DHX58: variants seen among roughly 807,000 people sequenced by gnomAD.
The protein encoded by DHX58 is ATP-dependent RNA helicase DHX58.
Under a neutral mutation model 65.0 loss-of-function variants are expected in DHX58, and 51 were observed. The observed-to-expected ratio is 0.78, with a 90% CI of 0.63 to 0.99. The LOEUF (loss-of-function observed/expected upper bound fraction) is 0.99, where lower values mean the gene tolerates loss of function less well. Among genes scored for constraint, DHX58 ranks in the 50% least tolerant of loss-of-function variants. The pLI is 0.00. For synonymous variants in DHX58, 350 were observed against 365.0 expected (o/e 0.96, Z 0.47); for missense variants, 773 against 891.8 (o/e 0.87, Z 1.70).
At chr17:42,107,909 C>T in intron 7 of DHX58, 73 bp downstream of exon 7, 1 of 1,600,972 alleles carries the variant, frequency 6.2e-7, no homozygotes, top group Middle Eastern at 1.7e-4. Context: ...GCCCCAAAGG[C>T]CTCCGCCCCG....
In DHX58 at chr17:42,101,791, G is replaced by A. The variant is rs145954849; in HGVS notation, c.2007C>T (p.Ala669=). The A allele has an allele frequency of 1.4e-4, 223 of 1,614,196 alleles. 3 individuals are homozygous for A. The highest frequency in any genetic ancestry group is 1.1e-3 in the South Asian group (103 of 91,070). The change falls in exon 14 of 14, where the codon GCC becomes GCT. Residue 669 remains alanine (A), a synonymous_variant. Transcript: ENST00000251642. ...VPDFDFLQHC[A]ENLSDLSLD ...CCAGGGAGAGGTCCGACAAGTTCTC[G>A]GCACAATGCTGCAGGAAGTCAAAGT... is the stretch of plus-strand genomic sequence containing the variant.
intron 9 of DHX58, 32 bp downstream of exon 9, chr17:42,105,704 C>T: frequency 1.3e-6 from 2 of 1,527,688 alleles, no homozygotes; most frequent in Non-Finnish European, 1.8e-6. Flanking sequence ...GGAATCCCTC[C>T]CAGCGCCAGC....
intron 6 of DHX58, 70 bp downstream of exon 6, chr17:42,109,200 C>T: frequency 7.3e-7 from 1 of 1,361,512 alleles, no homozygotes; most frequent in Non-Finnish European, 1.0e-6. Flanking sequence ...AGGGCAGAGT[C>T]AGGGCCCAAG....
intron 8 of DHX58, among the ~76,000 whole-genome samples, chr17:42,106,302 AAGGG>A (rs1361863013): frequency 8.0e-6 from 1 of 124,276 alleles, no homozygotes; most frequent in Non-Finnish European, 1.6e-5. Context: ...GGAGGGAAGG[AAGGG>A]AGGGAGGGAG....
chr17:42,108,560 GAA>G, intron 6 of DHX58, among the ~76,000 whole-genome samples: 1 of 151,990 alleles, frequency 6.6e-6, no homozygotes, highest in Non-Finnish European at 1.5e-5. Context: ...CCCAGAGAGA[GAA>G]TAATGCTACT....
chr17:42,110,756 G>A lies in DHX58; in HGVS notation c.528C>T (p.Ser176=). 3.1e-6 allele frequency: 5 copies of A among 1,611,506 alleles called. No individual in the cohort carries two copies. The highest frequency in any genetic ancestry group is 3.4e-6 in the Non-Finnish European group (4 of 1,178,732). The change falls in exon 5 of 14, where the codon TCC becomes TCT. Residue 176 remains serine, a synonymous_variant. Transcript: ENST00000251642. The part of the protein sequence containing the change: ...LTASPGTGGA[S]KLDGAINHVL... The stretch of plus-strand genomic sequence containing the variant: ...CGTGGTTGATGGCCCCATCGAGTTT[G>A]GAGGCCCCGCCAGTGCCTGGGGAGG...
In DHX58 at chr17:42,112,463, C is replaced by A; in HGVS notation, c.-95+142G>T. The A allele has an allele frequency of 5.8e-6, 1 of 173,818 alleles. No individual in the cohort carries two copies. 10.8% of individuals were successfully genotyped at this position (173,818 alleles called of 1,614,324 possible). ...CACTCATCCCAACTCCTGGCCAGAG[C>A]AGTCGGTACAGAGACCTCCCTTTGC... On this transcript the variant is annotated intron_variant, in intron 1 of 13. Coordinates refer to ENST00000251642, the MANE Select transcript of DHX58 (RefSeq NM_024119.3).
Position 42,104,889 on chromosome 17 carries a change from C to G in DHX58, c.1440G>C (p.Ala480=), listed in dbSNP as rs782142442. 6.2e-7 allele frequency: 1 copy of G among 1,614,024 alleles called. No individual in the cohort carries two copies. Among genetic ancestry groups the G allele is most frequent in the Non-Finnish European group, 8.5e-7 (1 of 1,180,044 alleles). Residue 480 remains alanine, a synonymous_variant, in exon 11 of 14, where the codon GCG becomes GCC. Transcript: ENST00000251642. ...CCCGGCTACCTTCAGTTGCTACAAA[C>G]GCGTATACACTCTGATCGGCCCGGG... ...GRARADQSVY[A]FVATEGSREL... is the part of the protein sequence containing the mutation.
chr17:42,108,177 A>C, intron 6 of DHX58, 69 bp from the exon 7 acceptor site: 1 of 1,607,534 alleles, frequency 6.2e-7, no homozygotes, highest in African/African-American at 1.3e-5. Context: ...GGGGGTGCTG[A>C]CCCCGGCGTG....
chr17:42,108,380 C>T (rs2054097994), intron 6 of DHX58, among the ~76,000 whole-genome samples: 1 of 152,168 alleles, frequency 6.6e-6, no homozygotes. Flanking sequence ...GGCGGACATC[C>T]GGGCCAGAGT....
At position 42,107,586 on chromosome 17, in the gene DHX58, C is replaced by T. The variant is rs781819927; in HGVS notation, c.997+18G>A. ...GGTCCCATCATCCCCGGCCCCGAAGCCCCCTCCCGCCCCTCACCATCGAAC... is the reference window on the plus strand; with the variant it reads ...GGTCCCATCATCCCCGGCCCCGAAGTCCCCTCCCGCCCCTCACCATCGAAC... On this transcript the variant is annotated intron_variant, in intron 8 of 13. Transcript: ENST00000251642. 1 of 1,551,154 alleles carries T rather than the reference C, an allele frequency of 6.4e-7. No individual in the cohort carries two copies. Among genetic ancestry groups the T allele is most frequent in the South Asian group, 1.2e-5 (1 of 82,750 alleles).
chr17:42,107,608 G>A lies in DHX58; in HGVS notation c.993C>T (p.Phe331=). 1.4e-6 allele frequency: 2 copies of A among 1,413,410 alleles called. No individual in the cohort carries two copies. Among genetic ancestry groups the A allele is most frequent in the East Asian group, 3.2e-5 (1 of 31,248 alleles). 87.6% of individuals were successfully genotyped at this position (1,413,410 alleles called of 1,614,324 possible). The change falls in exon 8 of 14, where the codon TTC becomes TTT. Residue 331 remains phenylalanine (F), a synonymous_variant. Transcript: ENST00000251642. The part of the protein sequence containing the change: ...LCAERRLLAL[F]DDRKNELAHL... ...AAGCCCCCTCCCGCCCCTCACCATC[G>A]AACAGGGCCAGCAGCCGGCGCTCGG... is the stretch of plus-strand genomic sequence containing the variant.
In DHX58 at chr17:42,107,812, C is replaced by T; in HGVS notation, c.806-17G>A. On this transcript the variant is annotated splice_polypyrimidine_tract_variant and intron_variant, in intron 7 of 13. Transcript: ENST00000251642. The stretch of plus-strand genomic sequence containing the variant: ...CCAAAGCCGCTGCGGGAAGAGGGCG[C>T]AGGGTCTGAGCAGCCCACAGCCCCG... 1.3e-6 allele frequency: 2 copies of T among 1,558,114 alleles called. No individual in the cohort carries two copies. The highest frequency in any genetic ancestry group is 2.7e-5 in the African/African-American group (2 of 73,952).
Position 42,105,747 on chromosome 17 carries a change from G to A in DHX58, c.1240C>T (p.His414Tyr). The change falls in exon 9 of 14, where the codon CAC becomes TAC. Residue 414 changes from histidine to tyrosine, a missense_variant. His to Tyr is a moderately conservative substitution (Grantham distance 83, BLOSUM62 2). Coordinates refer to ENST00000251642, the MANE Select transcript of DHX58 (RefSeq NM_024119.3). ...IGAGNSSQSTHMTQRDQQEVI... is the reference protein window; with the variant it reads ...IGAGNSSQSTYMTQRDQQEVI... ...CCCGAAGCCCACACCTGGGTCATGT[G>A]GGTGCTCTGGCTGCTGTTCCCAGCC... 1 of 1,581,342 alleles carries A rather than the reference G, an allele frequency of 6.3e-7. No homozygotes were observed. The highest frequency in any genetic ancestry group is 1.2e-5 in the South Asian group (1 of 85,812).
In DHX58 at chr17:42,111,479, G is replaced by T. The variant is rs782475604; in HGVS notation, c.187C>A (p.His63Asn). Residue 63 changes from histidine to asparagine, a missense_variant, in exon 4 of 14, where the codon CAT becomes AAT. His to Asn is a moderately conservative substitution (Grantham distance 68). Transcript: ENST00000251642. Reference sequence around the variant, plus strand: ...AGCATGCGCCTGAACTCTTCACCATGCTGGGTCACCAGGTGCACCTGGGGG... The same window carrying T: ...AGCATGCGCCTGAACTCTTCACCATTCTGGGTCACCAGGTGCACCTGGGGG... ...LVNRVHLVTQ[H>N]GEEFRRMLDG... 9 of 1,613,986 alleles carry T rather than the reference G, an allele frequency of 5.6e-6. No individual in the cohort carries two copies. Among genetic ancestry groups the T allele is most frequent in the Non-Finnish European group, 5.9e-6 (7 of 1,179,976 alleles).
At chr17:42,109,805 G>A (rs916555034) in intron 5 of DHX58, among the ~76,000 whole-genome samples, 4 of 151,758 alleles carry the variant, frequency 2.6e-5, no homozygotes, top group Non-Finnish European at 4.4e-5. Context: ...TGAGACAGAA[G>A]AATCACTTGA....
At chr17:42,106,626 C>T (rs1165967520) in intron 8 of DHX58, among the ~76,000 whole-genome samples, 2 of 108,364 alleles carry the variant, frequency 1.8e-5, no homozygotes, top group Non-Finnish European at 3.6e-5. Context: ...GGTGAAACCC[C>T]GTCTCTACTA....
rs782193505 is a variant in DHX58, at chr17:42,105,056, G to T, written c.1363C>A (p.Arg455Ser). ...LDIPHCNVVVRYGLLTNEISM... is the reference protein window; with the variant it reads ...LDIPHCNVVVSYGLLTNEISM... ...ATTTCATTGGTCAAGAGCCCATAACGCACCACCACATTGCAATGTGGGATG... is the reference window on the plus strand; with the variant it reads ...ATTTCATTGGTCAAGAGCCCATAACTCACCACCACATTGCAATGTGGGATG... Residue 455 changes from arginine (R) to serine (S), a missense_variant, in exon 10 of 14, where the codon CGT (arginine) becomes AGT (serine). By Grantham distance (110) the Arg-to-Ser change is moderately radical. Coordinates refer to ENST00000251642, the MANE Select transcript of DHX58 (RefSeq NM_024119.3). 6.2e-7 allele frequency: 1 copy of T among 1,613,670 alleles called. No homozygotes were observed. The highest frequency in any genetic ancestry group is 1.7e-5 in the Admixed American group (1 of 60,014).
chr17:42,104,472 C>T (rs781932145), intron 11 of DHX58, among the ~76,000 whole-genome samples: 11 of 152,160 alleles, frequency 7.2e-5, no homozygotes, highest in Non-Finnish European at 1.5e-4. Flanking sequence ...ATCTTGTCCC[C>T]TCTGCCTGGT....
Sources: gnomAD v4.1 joint callset for allele counts (sites outside exome capture counted in the v4.1 genomes callset) on GRCh38, gnomAD v4.1.1 for gene constraint, MANE v1.5 for transcripts, NCBI Gene and HGNC (gene_info 2026-07-23, HGNC 2026-07-21) for gene names.